PITPNC1: variants seen among roughly 807,000 people sequenced by gnomAD.
PITPNC1 encodes the protein cytoplasmic phosphatidylinositol transfer protein 1.
Under a neutral mutation model 44.7 loss-of-function variants are expected in PITPNC1, and 18 were observed. The ratio of observed to expected loss-of-function variants is 0.40; its 90% CI spans 0.28 to 0.60. The LOEUF (loss-of-function observed/expected upper bound fraction) is 0.60. Among genes scored for constraint, PITPNC1 ranks in the 20% least tolerant of loss-of-function variants. The probability of loss-of-function intolerance (pLI) is 0.39; values close to 1 mark genes in which losing one functional copy is unlikely to be tolerated. For missense variants in PITPNC1, 290 were observed against 418.4 expected (o/e 0.69, Z 2.68); for synonymous variants, 141 against 149.6 (o/e 0.94, Z 0.42).
intron 1 of PITPNC1, among the ~76,000 whole-genome samples, chr17:67,449,337 G>A (rs1416174166): frequency 6.6e-6 from 1 of 152,114 alleles, no homozygotes; most frequent in Non-Finnish European, 1.5e-5. Flanking sequence ...TGATGGTGGT[G>A]CCGATACACA....
intron 1 of PITPNC1, among the ~76,000 whole-genome samples, chr17:67,468,992 G>C (rs1396796213): frequency 6.6e-6 from 1 of 152,178 alleles, no homozygotes; most frequent in South Asian, 2.1e-4. Context: ...GCCTCCCAAA[G>C]TGTTGCAATT....
At chr17:67,539,818 A>G (rs2040580411) in intron 2 of PITPNC1, among the ~76,000 whole-genome samples, 1 of 152,300 alleles carries the variant, frequency 6.6e-6, no homozygotes, top group Non-Finnish European at 1.5e-5. Context: ...AGCCTGGGTG[A>G]CAGAACGAGA....
chr17:67,693,039 A>G lies in PITPNC1; in HGVS notation c.*151A>G. The G allele has an allele frequency of 3.3e-6, 2 of 606,594 alleles. No individual in the cohort carries two copies. The highest frequency in any genetic ancestry group is 4.1e-5 in the South Asian group (2 of 48,762). 37.6% of individuals were successfully genotyped at this position (606,594 alleles called of 1,614,324 possible). On this transcript the variant is annotated 3_prime_UTR_variant, in exon 9 of 9. Coordinates refer to ENST00000581322, the MANE Select transcript of PITPNC1 (RefSeq NM_012417.4). Reference sequence around the variant, plus strand: ...CATGTGACTCAGTAACTTCACATAGAATATGATTCCCTAAGTATGCTACAC... The same window carrying G: ...CATGTGACTCAGTAACTTCACATAGGATATGATTCCCTAAGTATGCTACAC...
chr17:67,620,461 C>T (rs575821082), intron 5 of PITPNC1, among the ~76,000 whole-genome samples: 2 of 152,282 alleles, frequency 1.3e-5, no homozygotes, highest in East Asian at 3.9e-4. Context: ...AAGCCAGTCT[C>T]GCGGAGATCT....
At chr17:67,435,341 G>A (rs537223512) in intron 1 of PITPNC1, among the ~76,000 whole-genome samples, 2 of 152,090 alleles carry the variant, frequency 1.3e-5, no homozygotes, top group African/African-American at 2.4e-5. Flanking sequence ...TTCACTAAAC[G>A]TGACACCCTC....
chr17:67,487,620 AC>A (rs2039798777), intron 1 of PITPNC1, among the ~76,000 whole-genome samples: 1 of 152,184 alleles, frequency 6.6e-6, no homozygotes, highest in African/African-American at 2.4e-5. Flanking sequence ...TGAATGATTG[AC>A]TTCTCAGGGA....
chr17:67,646,350 A>G (rs1260141731), intron 6 of PITPNC1, among the ~76,000 whole-genome samples: 2 of 152,196 alleles, frequency 1.3e-5, no homozygotes, highest in Non-Finnish European at 2.9e-5. Context: ...TTCTGTTCCA[A>G]AAATACCCAA....
chr17:67,493,802 A>T (rs902521536), intron 1 of PITPNC1, among the ~76,000 whole-genome samples: 4 of 152,198 alleles, frequency 2.6e-5, no homozygotes, highest in Non-Finnish European at 5.9e-5. Flanking sequence ...CTTTTTCCCA[A>T]TACAAAAGCA....
At chr17:67,581,841 T>C (rs2041238926) in intron 5 of PITPNC1, among the ~76,000 whole-genome samples, 1 of 152,148 alleles carries the variant, frequency 6.6e-6, no homozygotes, top group Admixed American at 6.5e-5. Flanking sequence ...GAGACCAGCC[T>C]GGCCAACATG....
At chr17:67,466,117 T>C (rs2039423521) in intron 1 of PITPNC1, among the ~76,000 whole-genome samples, 1 of 147,220 alleles carries the variant, frequency 6.8e-6, no homozygotes, top group South Asian at 2.1e-4. Flanking sequence ...CCCCCTACCT[T>C]AGCCTCCTGA....
Position 67,385,158 on chromosome 17 carries a change from A to G in PITPNC1, c.48+6956A>G, listed in dbSNP as rs1314804200. The stretch of plus-strand genomic sequence containing the variant: ...GGGACTTGGAGAACTTTTCTGTCTT[A>G]CAAGAGGATTGTAAAATGCACCAAT... On this transcript the variant is annotated intron_variant, in intron 1 of 8. Coordinates refer to ENST00000581322, the MANE Select transcript of PITPNC1 (RefSeq NM_012417.4). Among the ~76,000 whole-genome samples the G allele has an allele frequency of 2.6e-5, 4 of 152,202 alleles. No individual in the cohort carries two copies. The South Asian group carries it at 6.2e-4, about 24-fold the overall frequency.
At chr17:67,609,175 A>G (rs1422516499) in intron 5 of PITPNC1, among the ~76,000 whole-genome samples, 1 of 143,460 alleles carries the variant, frequency 7.0e-6, no homozygotes, top group East Asian at 2.1e-4. Context: ...CCTGTATTTT[A>G]TTTTCTGGCC....
At chr17:67,446,751 T>C (rs1206353920) in intron 1 of PITPNC1, among the ~76,000 whole-genome samples, 1 of 151,822 alleles carries the variant, frequency 6.6e-6, no homozygotes, top group East Asian at 1.9e-4. Flanking sequence ...GGGCCTTGTA[T>C]GGCAGATGCA....
chr17:67,659,890 T>G (rs2042318533), intron 6 of PITPNC1, among the ~76,000 whole-genome samples: 1 of 152,138 alleles, frequency 6.6e-6, no homozygotes, highest in South Asian at 2.1e-4. Flanking sequence ...TGTTTTTTGT[T>G]TTTTTTAGAG....
At chr17:67,395,942 A>G (rs993313939) in intron 1 of PITPNC1, among the ~76,000 whole-genome samples, 14 of 152,210 alleles carry the variant, frequency 9.2e-5, no homozygotes, top group East Asian at 1.9e-4. Context: ...TTTGCTGCTC[A>G]TGAAGAAGCA....
chr17:67,564,032 T>C (rs1400380205), intron 4 of PITPNC1, among the ~76,000 whole-genome samples: 2 of 152,102 alleles, frequency 1.3e-5, no homozygotes, highest in Non-Finnish European at 2.9e-5. Flanking sequence ...AGATGATAGA[T>C]ATTAATAGAT....
At chr17:67,662,702 C>T (rs969781798) in intron 6 of PITPNC1, among the ~76,000 whole-genome samples, 1 of 152,072 alleles carries the variant, frequency 6.6e-6, no homozygotes, top group African/African-American at 2.4e-5. Context: ...TGGTGGTTGG[C>T]TTCTTCTACT....
At chr17:67,399,008 C>CTTTTTTTT (rs34059580) in intron 1 of PITPNC1, among the ~76,000 whole-genome samples, 11 of 88,488 alleles carry the variant, frequency 1.2e-4, no homozygotes, top group Admixed American at 1.4e-4. Context: ...AGAGGATCAG[C>CTTTTTTTT]TTTTTTTTTT....
At chr17:67,607,306 A>G (rs180803333) in intron 5 of PITPNC1, among the ~76,000 whole-genome samples, 12 of 152,270 alleles carry the variant, frequency 7.9e-5, no homozygotes. Context: ...CAGCCCCAGG[A>G]GTTATAGGAT....
Sources: gnomAD v4.1 joint callset for allele counts (sites outside exome capture counted in the v4.1 genomes callset) on GRCh38, gnomAD v4.1.1 for gene constraint, MANE v1.5 for transcripts, NCBI Gene and HGNC (gene_info 2026-07-23, HGNC 2026-07-21) for gene names.